The following TUSC3 variants were observed in gnomAD, a reference collection of about 807,000 sequenced individuals.
TUSC3 encodes tumor suppressor candidate 3.
Under a neutral mutation model 44.8 loss-of-function variants are expected in TUSC3, and 45 were observed. The observed-to-expected ratio is 1.00, with a 90% CI of 0.79 to 1.29. The LOEUF (loss-of-function observed/expected upper bound fraction) is 1.29. TUSC3 is among the 50% of genes most tolerant of loss of function. The pLI, the probability that TUSC3 is intolerant of heterozygous loss-of-function variation, is 0.00. For missense variants in TUSC3, 519 were observed against 437.9 expected (o/e 1.19, Z -1.65); for synonymous variants, 212 against 152.9 (o/e 1.39, Z -2.85).
At chr8:15,820,185 T>G in the TUSC3 span, among the ~76,000 whole-genome samples, 1 of 152,212 alleles carries the variant, frequency 6.6e-6, no homozygotes, top group African/African-American at 2.4e-5. Context: ...TAAATGAACC[T>G]TGCATTCTTT....
At chr8:15,822,397 T>G in the TUSC3 span, among the ~76,000 whole-genome samples, 14 of 152,166 alleles carry the variant, frequency 9.2e-5, no homozygotes, top group Non-Finnish European at 1.9e-4. Context: ...CCTAGGGAGA[T>G]GGCTTTCAAA....
In TUSC3 at chr8:15,707,401, G is replaced by C. The variant is rs537563229; in HGVS notation, c.799-23265G>C. On this transcript the variant is annotated intron_variant, in intron 6 of 10. Coordinates refer to ENST00000503731, the MANE Select transcript of TUSC3 (RefSeq NM_006765.4). ...TACAAGAGAAGAATGTCTAAGTTTTGTGCCCTATGTTTTTTAAACCTATAT... is the reference window on the plus strand; with the variant it reads ...TACAAGAGAAGAATGTCTAAGTTTTCTGCCCTATGTTTTTTAAACCTATAT... 9.3e-4 allele frequency among the ~76,000 whole-genome samples: 141 copies of C among 151,976 alleles called. 1 individual carries two copies. The highest frequency in any genetic ancestry group is 3.4e-3 in the Middle Eastern group (1 of 294).
At chr8:15,461,997 A>C (rs1216161973) in intron 1 of TUSC3, among the ~76,000 whole-genome samples, 1 of 152,016 alleles carries the variant, frequency 6.6e-6, no homozygotes, top group Non-Finnish European at 1.5e-5. Context: ...CACATCTTAT[A>C]ATTGTTTTCT....
At chr8:15,550,597 C>A (rs1301232019) in intron 1 of TUSC3, among the ~76,000 whole-genome samples, 2 of 151,566 alleles carry the variant, frequency 1.3e-5, no homozygotes. Flanking sequence ...GTCCTTTCGC[C>A]ACTTTCATAC....
rs190019435 is a variant in TUSC3, at chr8:15,606,177, A to G, written c.139-16903A>G. Among the ~76,000 whole-genome samples the G allele has an allele frequency of 3.5e-3, 529 of 152,178 alleles. 4 individuals are homozygous for G. Among genetic ancestry groups the G allele is most frequent in the African/African-American group, 0.012 (511 of 41,550 alleles). On this transcript the variant is annotated intron_variant, in intron 1 of 10. Transcript: ENST00000503731. ...TGCTTGATAGATACCATAGATTGAGATCTGTACCTGTGGTTGCTCCCATTT... is the reference window on the plus strand; with the variant it reads ...TGCTTGATAGATACCATAGATTGAGGTCTGTACCTGTGGTTGCTCCCATTT...
chr8:15,629,881 G>T (rs979631115), intron 2 of TUSC3, among the ~76,000 whole-genome samples: 1 of 151,988 alleles, frequency 6.6e-6, no homozygotes, highest in Non-Finnish European at 1.5e-5. Flanking sequence ...CCTTCACACA[G>T]TCAGTTTATT....
intron 1 of TUSC3, among the ~76,000 whole-genome samples, chr8:15,459,803 T>C (rs1046618335): frequency 2.0e-5 from 3 of 152,076 alleles, no homozygotes; most frequent in Non-Finnish European, 4.4e-5. Flanking sequence ...CATTAATTCA[T>C]TCCCTTTTAT....
intron 6 of TUSC3, among the ~76,000 whole-genome samples, chr8:15,707,655 T>G (rs1486735978): frequency 6.6e-6 from 1 of 151,944 alleles, no homozygotes; most frequent in East Asian, 1.9e-4. Flanking sequence ...CCTAGATGAC[T>G]CTATAGGAGA....
At chr8:15,458,013 G>A (rs1194429926) in intron 1 of TUSC3, among the ~76,000 whole-genome samples, 1 of 151,780 alleles carries the variant, frequency 6.6e-6, no homozygotes, top group African/African-American at 2.4e-5. Context: ...TTTGTATAAA[G>A]TTAAAAAGGC....
the TUSC3 span, among the ~76,000 whole-genome samples, chr8:15,801,005 C>T: frequency 2.6e-5 from 4 of 152,156 alleles, no homozygotes; most frequent in South Asian, 6.2e-4. Flanking sequence ...AAAGGGGTCC[C>T]GATCCAGATC....
At chr8:15,693,728 C>G (rs933982655) in intron 6 of TUSC3, among the ~76,000 whole-genome samples, 11 of 152,198 alleles carry the variant, frequency 7.2e-5, no homozygotes, top group African/African-American at 2.4e-4. Flanking sequence ...GGATGATATT[C>G]TGAAATACAC....
chr8:15,647,976 G>C (rs1806705825), intron 2 of TUSC3, among the ~76,000 whole-genome samples: 1 of 152,072 alleles, frequency 6.6e-6, no homozygotes, highest in Non-Finnish European at 1.5e-5. Context: ...ATCTCTCCAG[G>C]TTGTTCTTTT....
chr8:15,757,266 G>A (rs144496273), intron 9 of TUSC3, among the ~76,000 whole-genome samples: 12 of 152,196 alleles, frequency 7.9e-5, no homozygotes, highest in African/African-American at 1.9e-4. Context: ...GTCTTAAAAC[G>A]AAACTGATAG....
intron 2 of TUSC3, among the ~76,000 whole-genome samples, chr8:15,487,266 G>A (rs1800745425): frequency 1.3e-5 from 2 of 152,184 alleles, no homozygotes; most frequent in South Asian, 4.1e-4. Context: ...CTTTAAACAT[G>A]CCATGGTGTT....
At chr8:15,494,722 A>G (rs1200865373) in intron 2 of TUSC3, among the ~76,000 whole-genome samples, 1 of 152,222 alleles carries the variant, frequency 6.6e-6, no homozygotes, top group Non-Finnish European at 1.5e-5. Context: ...ATCACACAGA[A>G]TATCCAGACA....
intron 6 of TUSC3, among the ~76,000 whole-genome samples, chr8:15,682,287 T>C (rs1274587545): frequency 6.6e-6 from 1 of 152,202 alleles, no homozygotes; most frequent in African/African-American, 2.4e-5. Flanking sequence ...TGTGTGCCTG[T>C]CCAAGTCTTT....
chr8:15,473,484 G>C (rs1044798386), intron 1 of TUSC3, among the ~76,000 whole-genome samples: 10 of 152,190 alleles, frequency 6.6e-5, no homozygotes, highest in African/African-American at 2.2e-4. Flanking sequence ...TTGGTTTGCA[G>C]TTACATGTTC....
intron 1 of TUSC3, among the ~76,000 whole-genome samples, chr8:15,429,405 A>C (rs1176074794): frequency 6.7e-6 from 1 of 149,766 alleles, no homozygotes; most frequent in Non-Finnish European, 1.5e-5. Context: ...AGGTAATGTG[A>C]TGCCTCCAGC....
intron 2 of TUSC3, among the ~76,000 whole-genome samples, chr8:15,649,947 C>G (rs756799165): frequency 5.3e-4 from 81 of 152,240 alleles, no homozygotes; most frequent in Middle Eastern, 3.4e-3. Flanking sequence ...CTTGTTGCTT[C>G]TTATTTCTAT....
Sources: gnomAD v4.1 joint callset for allele counts (sites outside exome capture counted in the v4.1 genomes callset) on GRCh38, gnomAD v4.1.1 for gene constraint, MANE v1.5 for transcripts, NCBI Gene and HGNC (gene_info 2026-07-23, HGNC 2026-07-21) for gene names.